The following ALCAM variants were observed in gnomAD, a reference collection of about 807,000 sequenced individuals.
The protein encoded by ALCAM is activated leukocyte cell adhesion molecule.
In ALCAM, 30 loss-of-function variants were observed where a neutral mutation model predicts 70.9. That is an observed-to-expected ratio of 0.42 (90% CI 0.32 to 0.57). ALCAM has a LOEUF of 0.57. ALCAM is among the 20% of genes least tolerant of loss of function. ALCAM has a pLI of 0.11. For synonymous variants in ALCAM, 249 were observed against 242.5 expected, an observed-to-expected ratio of 1.03 and a Z score of -0.25; for missense variants, 591 against 695.1, an observed-to-expected ratio of 0.85 and a Z score of 1.68.
intron 9 of ALCAM, among the ~76,000 whole-genome samples, chr3:105,546,362 C>G (rs1286892521): frequency 6.6e-6 from 1 of 151,370 alleles, no homozygotes; most frequent in African/African-American, 2.4e-5. Context: ...GCCTTTTGAT[C>G]CTTTTTAACA....
At chr3:105,423,679 A>G (rs1215300718) in intron 1 of ALCAM, among the ~76,000 whole-genome samples, 3 of 151,572 alleles carry the variant, frequency 2.0e-5, no homozygotes, top group Non-Finnish European at 4.4e-5. Flanking sequence ...CTAGAAATTT[A>G]TACACACACA....
chr3:105,513,463 A>G (rs559432859), intron 1 of ALCAM: 1 of 151,930 alleles, frequency 6.6e-6, no homozygotes, highest in African/African-American at 2.4e-5. Context: ...AAGAGGGGAC[A>G]ATTTTGGGGG....
intron 1 of ALCAM, among the ~76,000 whole-genome samples, chr3:105,419,256 C>T (rs558103118): frequency 3.6e-4 from 54 of 151,888 alleles, no homozygotes; most frequent in African/African-American, 1.3e-3. Flanking sequence ...AAGAATAATT[C>T]TGGAATGTCT....
At chr3:105,423,519 A>G (rs1409592805) in intron 1 of ALCAM, among the ~76,000 whole-genome samples, 1 of 149,930 alleles carries the variant, frequency 6.7e-6, no homozygotes, top group East Asian at 2.0e-4. Flanking sequence ...AAAAGAAAAC[A>G]TCATATAATC....
intron 1 of ALCAM, among the ~76,000 whole-genome samples, chr3:105,455,998 G>T (rs2152594528): frequency 6.6e-6 from 1 of 152,262 alleles, no homozygotes; most frequent in Admixed American, 6.5e-5. Context: ...AGAATCGCTC[G>T]AGCCTGGGAG....
chr3:105,442,934 A>G (rs1395604247), intron 1 of ALCAM, among the ~76,000 whole-genome samples: 1 of 152,146 alleles, frequency 6.6e-6, no homozygotes, highest in African/African-American at 2.4e-5. Flanking sequence ...GGCTAAAGGG[A>G]TCCTCCCACT....
At chr3:105,394,883 G>A (rs903020942) in intron 1 of ALCAM, among the ~76,000 whole-genome samples, 1 of 151,788 alleles carries the variant, frequency 6.6e-6, no homozygotes, top group Non-Finnish European at 1.5e-5. Context: ...TGTTTTTTCT[G>A]AGCCTATTAT....
intron 1 of ALCAM, among the ~76,000 whole-genome samples, chr3:105,400,929 A>G (rs1936072290): frequency 6.6e-6 from 1 of 152,232 alleles, no homozygotes; most frequent in Non-Finnish European, 1.5e-5. Flanking sequence ...TGGCATAATT[A>G]AATTTTAAAA....
At chr3:105,441,197 A>G (rs770052228) in intron 1 of ALCAM, among the ~76,000 whole-genome samples, 4 of 152,290 alleles carry the variant, frequency 2.6e-5, no homozygotes, top group South Asian at 2.1e-4. Flanking sequence ...AGTTCTTAAT[A>G]TATAACTTTT....
intron 1 of ALCAM, among the ~76,000 whole-genome samples, chr3:105,462,049 A>G (rs9833101): frequency 0.4 from 60,425 of 151,420 alleles, 12,700 homozygotes; most frequent in Admixed American, 0.52. Flanking sequence ...GAATATGGAC[A>G]TACTATATCA....
chr3:105,438,091 A>G (rs1298201716), intron 1 of ALCAM, among the ~76,000 whole-genome samples: 1 of 152,026 alleles, frequency 6.6e-6, no homozygotes, highest in East Asian at 1.9e-4. Context: ...CTTTAGTCAT[A>G]TCTGTCATGT....
At chr3:105,562,242 G>GA (rs1189813038) in intron 14 of ALCAM, among the ~76,000 whole-genome samples, 1 of 152,152 alleles carries the variant, frequency 6.6e-6, no homozygotes, top group African/African-American at 2.4e-5. Context: ...CCCAGAAACT[G>GA]AAAACAAAGG....
At chr3:105,506,675 A>G (rs1010585651) in intron 1 of ALCAM, among the ~76,000 whole-genome samples, 9 of 152,190 alleles carry the variant, frequency 5.9e-5, no homozygotes, top group Non-Finnish European at 8.8e-5. Context: ...ACGTAATATT[A>G]TAATATTCAG....
chr3:105,543,522 AT>A, intron 8 of ALCAM, among the ~76,000 whole-genome samples: 1 of 151,454 alleles, frequency 6.6e-6, no homozygotes, highest in South Asian at 2.1e-4. Context: ...CAAAAACAAG[AT>A]TTGTTTCCTT....
intron 14 of ALCAM, among the ~76,000 whole-genome samples, chr3:105,569,642 A>T (rs182091684): frequency 1.3e-3 from 192 of 152,350 alleles, no homozygotes; most frequent in Middle Eastern, 3.4e-3. Flanking sequence ...AGTTCAACTT[A>T]GTAGAATAAT....
At chr3:105,546,704 A>G (rs1940256335) in intron 9 of ALCAM, among the ~76,000 whole-genome samples, 1 of 151,500 alleles carries the variant, frequency 6.6e-6, no homozygotes, top group Admixed American at 6.6e-5. Context: ...CAAAATAGTG[A>G]TGATCAGTAT....
chr3:105,555,133 G>A (rs573927496), intron 14 of ALCAM, among the ~76,000 whole-genome samples: 1 of 151,924 alleles, frequency 6.6e-6, no homozygotes, highest in African/African-American at 2.4e-5. Flanking sequence ...ATATATGCTG[G>A]ACACTGACTT....
chr3:105,407,265 A>T (rs994659390), intron 1 of ALCAM, among the ~76,000 whole-genome samples: 8 of 80,290 alleles, frequency 1.0e-4, no homozygotes, highest in African/African-American at 3.3e-4. Context: ...AGCAACAACA[A>T]CAAAAAAAAA....
At chr3:105,536,480 A>G (rs1049404758) in intron 6 of ALCAM, among the ~76,000 whole-genome samples, 1 of 152,176 alleles carries the variant, frequency 6.6e-6, no homozygotes, top group African/African-American at 2.4e-5. Context: ...GAACATCAAG[A>G]TAAGTAATAA....
Sources: allele counts gnomAD v4.1 joint callset (sites outside exome capture counted in the v4.1 genomes callset), GRCh38; gene constraint gnomAD v4.1.1; transcripts MANE v1.5; gene names NCBI Gene and HGNC (gene_info 2026-07-23, HGNC 2026-07-21).